PTPRD: variants seen among roughly 807,000 people sequenced by gnomAD.
The protein encoded by PTPRD is protein tyrosine phosphatase receptor type D, also known as receptor-type tyrosine-protein phosphatase delta.
A neutral mutation model predicts 214.5 loss-of-function variants in PTPRD; 34 were observed. The ratio of observed to expected loss-of-function variants is 0.16; its 90% confidence interval spans 0.12 to 0.21. PTPRD has a LOEUF of 0.21. Among genes scored for constraint, PTPRD ranks in the 10% least tolerant of loss-of-function variants. The probability of loss-of-function intolerance (pLI) is 1.00; values close to 1 mark genes in which losing one functional copy is unlikely to be tolerated. For synonymous variants in PTPRD, 1,128 were observed against 845.7 expected, an observed-to-expected ratio of 1.33 and a Z score of -5.79; for missense variants, 2,545 against 2,398.7, an observed-to-expected ratio of 1.06 and a Z score of -1.27.
chr9:9,049,388 C>T (rs964425056), intron 10 of PTPRD, among the ~76,000 whole-genome samples: 10 of 152,090 alleles, frequency 6.6e-5, no homozygotes, highest in Admixed American at 6.6e-4. Flanking sequence ...TTTGTAGTGG[C>T]TCAAGTTAAC....
At chr9:9,455,698 G>T (rs757567238) in intron 8 of PTPRD, among the ~76,000 whole-genome samples, 1 of 151,578 alleles carries the variant, frequency 6.6e-6, no homozygotes, top group Non-Finnish European at 1.5e-5. Context: ...GGAGTTTCTA[G>T]ATTGTTCAAT....
rs1292240585 is a variant in PTPRD, at chr9:8,317,250, A to G, written c.*624T>C. ...AAAAAAACCTACGATTTGGAAATAA[A>G]AAAATGAAGAGTTATGTAACTTTTT... On this transcript the variant is annotated 3_prime_UTR_variant, in exon 46 of 46. Transcript: ENST00000381196. 3.4e-5 allele frequency: 8 copies of G among 232,180 alleles called. No individual in the cohort carries two copies. The highest frequency in any genetic ancestry group is 6.0e-5 in the Non-Finnish European group (7 of 117,152). 14.4% of individuals were successfully genotyped at this position (232,180 alleles called of 1,614,324 possible).
intron 9 of PTPRD, among the ~76,000 whole-genome samples, chr9:9,206,643 G>A (rs758702112): frequency 1.8e-4 from 27 of 152,186 alleles, no homozygotes; most frequent in Non-Finnish European, 3.7e-4. Context: ...AAGTTGGAAA[G>A]AGCAGACTTG....
At chr9:10,391,204 G>A (rs953495084) in intron 2 of PTPRD, among the ~76,000 whole-genome samples, 5 of 151,702 alleles carry the variant, frequency 3.3e-5, no homozygotes, top group African/African-American at 1.2e-4. Flanking sequence ...TATATGGAAG[G>A]CAGAGAGAAC....
chr9:10,535,260 T>A (rs1393945720), intron 2 of PTPRD, among the ~76,000 whole-genome samples: 1 of 152,150 alleles, frequency 6.6e-6, no homozygotes, highest in Non-Finnish European at 1.5e-5. Flanking sequence ...AACTAAAAAA[T>A]TGAGGGGAAA....
chr9:8,973,408 T>C (rs1301792777), intron 11 of PTPRD, among the ~76,000 whole-genome samples: 1 of 152,106 alleles, frequency 6.6e-6, no homozygotes, highest in Non-Finnish European at 1.5e-5. Context: ...TTCTTTTTTA[T>C]GGCTGCGTAG....
At chr9:9,563,419 C>G (rs2083472334) in intron 8 of PTPRD, among the ~76,000 whole-genome samples, 1 of 152,022 alleles carries the variant, frequency 6.6e-6, no homozygotes, top group African/African-American at 2.4e-5. Flanking sequence ...GGTTATTTTT[C>G]TTCTATCTGT....
intron 11 of PTPRD, among the ~76,000 whole-genome samples, chr9:8,816,932 C>A (rs1490858852): frequency 6.6e-6 from 1 of 152,174 alleles, no homozygotes; most frequent in Non-Finnish European, 1.5e-5. Flanking sequence ...TCTTTGCAAA[C>A]CTGTGCTTCA....
At chr9:9,204,756 G>C (rs999637954) in intron 9 of PTPRD, among the ~76,000 whole-genome samples, 1 of 152,102 alleles carries the variant, frequency 6.6e-6, no homozygotes, top group Non-Finnish European at 1.5e-5. Flanking sequence ...AATAGCTTTT[G>C]ACACAGATTT....
intron 10 of PTPRD, among the ~76,000 whole-genome samples, chr9:9,093,162 A>G (rs113836739): frequency 2.8e-4 from 43 of 152,210 alleles, no homozygotes; most frequent in African/African-American, 8.9e-4. Flanking sequence ...ACATCTAACA[A>G]CGGAACTTCC....
intron 8 of PTPRD, among the ~76,000 whole-genome samples, chr9:9,551,333 G>A (rs1230859446): frequency 6.6e-6 from 1 of 151,898 alleles, no homozygotes; most frequent in Non-Finnish European, 1.5e-5. Flanking sequence ...TTTAAATTAA[G>A]GGTCTCTAAT....
chr9:10,180,875 T>A (rs533001941), intron 3 of PTPRD, among the ~76,000 whole-genome samples: 2 of 152,088 alleles, frequency 1.3e-5, no homozygotes, highest in East Asian at 3.9e-4. Context: ...ATATTAATGA[T>A]GGAAAAGAAA....
At chr9:8,357,059 G>A (rs1195799045) in intron 39 of PTPRD, among the ~76,000 whole-genome samples, 1 of 152,098 alleles carries the variant, frequency 6.6e-6, no homozygotes, top group Non-Finnish European at 1.5e-5. Flanking sequence ...TTAACTCATG[G>A]ATATCTATTT....
rs1364207298 is a variant in PTPRD at position 9,018,720 on chromosome 9, T to TGGGA, written c.-128_-127insTCCC. On this transcript the variant is annotated 5_prime_UTR_variant, in exon 11 of 46. Coordinates refer to ENST00000381196, the MANE Select transcript of PTPRD (RefSeq NM_002839.4). Reference sequence around the variant, plus strand: ...ACTTGTTCTTTAGATCCCACGGGTGTTCACCAGACGTCTCCCTAAACAAAG... The same window carrying TGGGA: ...ACTTGTTCTTTAGATCCCACGGGTGTGGGATCACCAGACGTCTCCCTAAACAAAG... 2 of 152,162 alleles carry TGGGA rather than the reference T, an allele frequency of 1.3e-5. No homozygotes were observed. The highest frequency in any genetic ancestry group is 4.8e-5 in the African/African-American group (2 of 41,444). 9.4% of individuals were successfully genotyped at this position (152,162 alleles called of 1,614,324 possible). A position where few individuals can be genotyped will look rare whatever the true frequency, so the allele number is the denominator to read the frequency against.
chr9:8,398,009 C>T (rs1218481948), intron 36 of PTPRD, among the ~76,000 whole-genome samples: 1 of 152,046 alleles, frequency 6.6e-6, no homozygotes, highest in African/African-American at 2.4e-5. Flanking sequence ...ATTTATCAAG[C>T]ACCAGTGTTT....
chr9:8,464,991 C>T (rs1177020519), intron 32 of PTPRD, among the ~76,000 whole-genome samples: 1 of 151,892 alleles, frequency 6.6e-6, no homozygotes, highest in Non-Finnish European at 1.5e-5. Flanking sequence ...AGAATAAATA[C>T]AATCACCCCC....
At chr9:9,762,642 G>T (rs1012647245) in intron 6 of PTPRD, among the ~76,000 whole-genome samples, 8 of 152,122 alleles carry the variant, frequency 5.3e-5, no homozygotes, top group African/African-American at 1.2e-4. Context: ...TTATAAAAAG[G>T]ATTGATTCTC....
intron 10 of PTPRD, among the ~76,000 whole-genome samples, chr9:9,168,748 T>C (rs1240941465): frequency 6.6e-6 from 1 of 152,078 alleles, no homozygotes; most frequent in Non-Finnish European, 1.5e-5. Context: ...ATAATAATAA[T>C]TCTATTTTCA....
At chr9:8,959,851 T>C (rs2099149949) in intron 11 of PTPRD, among the ~76,000 whole-genome samples, 1 of 152,022 alleles carries the variant, frequency 6.6e-6, no homozygotes. Flanking sequence ...TGCTAAAACA[T>C]TCTCAGTTTT....
Sources: gnomAD v4.1 joint callset for allele counts (sites outside exome capture counted in the v4.1 genomes callset) on GRCh38, gnomAD v4.1.1 for gene constraint, MANE v1.5 for transcripts, NCBI Gene and HGNC (gene_info 2026-07-23, HGNC 2026-07-21) for gene names.